The following GTF2IRD1 variants were observed in gnomAD, a reference collection of about 807,000 sequenced individuals.
The protein encoded by GTF2IRD1 is general transcription factor II-I repeat domain-containing protein 1.
GTF2IRD1 carries 26 observed loss-of-function variants against 113.2 expected under a neutral mutation model. The observed-to-expected ratio is 0.23, with a 90% confidence interval of 0.17 to 0.32. GTF2IRD1 has a LOEUF of 0.32. GTF2IRD1 is among the 10% of genes least tolerant of loss of function. The pLI, the probability that GTF2IRD1 is intolerant of heterozygous loss-of-function variation, is 1.00. For missense variants in GTF2IRD1, 864 were observed against 1,280.8 expected (o/e 0.67, Z 4.97); for synonymous variants, 484 against 529.1 (o/e 0.91, Z 1.17).
intron 7 of GTF2IRD1, among the ~76,000 whole-genome samples, chr7:74,523,211 C>G (rs71558535): frequency 0.01 from 1,577 of 150,848 alleles, 21 homozygotes; most frequent in Non-Finnish European, 0.015. Context: ...AGAGTGAGAC[C>G]CTGTCTGTAA....
chr7:74,536,134 C>T (rs1554350108), intron 10 of GTF2IRD1, 33 bp from the exon 11 acceptor site: 1 of 1,344,388 alleles, frequency 7.4e-7, no homozygotes, highest in Non-Finnish European at 1.1e-6. Context: ...GGCCAGAGGG[C>T]CTTCACCCTG....
chr7:74,519,385 C>T, intron 5 of GTF2IRD1, 24 bp from the exon 6 acceptor site: 1 of 1,477,794 alleles, frequency 6.8e-7, no homozygotes, highest in South Asian at 1.4e-5. Flanking sequence ...ACAAAGCTGT[C>T]CATGTGTCCT....
At chr7:74,483,857 T>TA (rs1386341070) in intron 1 of GTF2IRD1, among the ~76,000 whole-genome samples, 4,023 of 147,344 alleles carry the variant, frequency 0.027, 191 homozygotes, top group African/African-American at 0.092. Context: ...TCTGTCTCTT[T>TA]AAAAAAAAAA....
chr7:74,521,307 C>T lies in GTF2IRD1; in HGVS notation c.1006+10C>T, dbSNP rs111669870. 50 of 1,568,184 alleles carry T rather than the reference C, an allele frequency of 3.2e-5. No individual in the cohort carries two copies. Among genetic ancestry groups the T allele is most frequent in the South Asian group, 5.5e-5 (5 of 90,174 alleles). On this transcript the variant is annotated intron_variant, in intron 7 of 26. Coordinates refer to ENST00000424337, the MANE Select transcript of GTF2IRD1 (RefSeq NM_005685.4). ...GTCCATGACAAGTCAGGTAGGACAG[C>T]GCCCACGAAGCACCCCGGCCTGAGT...
At chr7:74,587,685 C>A (rs1196825699) in intron 22 of GTF2IRD1, among the ~76,000 whole-genome samples, 1 of 152,124 alleles carries the variant, frequency 6.6e-6, no homozygotes, top group African/African-American at 2.4e-5. Context: ...CCGTCCTCAA[C>A]CCTGGCACAA....
Position 74,518,257 on chromosome 7 carries a change from G to A in GTF2IRD1, c.540G>A (p.Glu180=), listed in dbSNP as rs782707278. The A allele has an allele frequency of 1.2e-6, 2 of 1,612,196 alleles. No homozygotes were observed. The highest frequency in any genetic ancestry group is 2.2e-5 in the East Asian group (1 of 44,842). The change falls in exon 5 of 27, where the codon GAG becomes GAA. Residue 180 remains glutamate, a synonymous_variant. Transcript: ENST00000424337. ...PEGLAFRRPA[E]YDPKALMAIL... ...GCCTGGCCTTCCGAAGGCCAGCCGA[G>A]TATGACCCCAAGGCCCTCATGGCCA...
At chr7:74,539,851 C>G (rs782019551) in intron 13 of GTF2IRD1, 28 bp from the exon 14 acceptor site, 6 of 1,530,848 alleles carry the variant, frequency 3.9e-6, no homozygotes, top group Admixed American at 1.7e-5. Flanking sequence ...GCAGAAGATA[C>G]CCGTGTCATT....
chr7:74,591,088 G>A (rs1387687853), intron 24 of GTF2IRD1, 71 bp downstream of exon 24: 21 of 1,111,910 alleles, frequency 1.9e-5, no homozygotes, highest in East Asian at 1.7e-4. Context: ...TCAAGGTCAC[G>A]GTGGGTCAGC....
chr7:74,456,632 A>T (rs1219092965), intron 1 of GTF2IRD1, among the ~76,000 whole-genome samples: 5 of 151,886 alleles, frequency 3.3e-5, no homozygotes, highest in Non-Finnish European at 7.4e-5. Context: ...GCAGTGAGCC[A>T]AGACCGCACC....
chr7:74,519,790 C>T, intron 6 of GTF2IRD1, 71 bp downstream of exon 6: 1 of 1,120,126 alleles, frequency 8.9e-7, no homozygotes, highest in Non-Finnish European at 1.3e-6. Context: ...GACAGCCTCC[C>T]AGGGCAGGTC....
intron 8 of GTF2IRD1, among the ~76,000 whole-genome samples, chr7:74,524,402 G>A (rs1412796210): frequency 2.0e-5 from 3 of 152,164 alleles, no homozygotes; most frequent in African/African-American, 2.4e-5. Context: ...GCTCAGTGGC[G>A]GGGAGCGGGA....
At chr7:74,585,890 A>G (rs781897969) in intron 22 of GTF2IRD1, among the ~76,000 whole-genome samples, 1 of 151,984 alleles carries the variant, frequency 6.6e-6, no homozygotes, top group South Asian at 2.1e-4. Context: ...CTTCCAAAAA[A>G]AAAAAGAAAA....
intron 20 of GTF2IRD1, among the ~76,000 whole-genome samples, chr7:74,558,072 G>A (rs1277045538): frequency 1.3e-5 from 2 of 151,848 alleles, no homozygotes; most frequent in Non-Finnish European, 2.9e-5. Context: ...TCAGGAGTTC[G>A]AGGCCAGCCT....
intron 9 of GTF2IRD1, among the ~76,000 whole-genome samples, chr7:74,532,449 G>A (rs1187702492): frequency 2.0e-5 from 3 of 152,134 alleles, no homozygotes; most frequent in African/African-American, 7.2e-5. Flanking sequence ...AGCTACTGAG[G>A]AGGCTGACGG....
intron 1 of GTF2IRD1, among the ~76,000 whole-genome samples, chr7:74,497,530 C>T (rs184101925): frequency 1.3e-5 from 2 of 152,208 alleles, no homozygotes; most frequent in East Asian, 3.9e-4. Flanking sequence ...GCTGGGATTA[C>T]AGGCCTGAGC....
chr7:74,525,148 C>T (rs1212262097), intron 8 of GTF2IRD1, among the ~76,000 whole-genome samples: 1 of 152,240 alleles, frequency 6.6e-6, no homozygotes. Flanking sequence ...CCATTTCCCA[C>T]CTCCCAGCTT....
At chr7:74,482,664 C>T (rs1337640392) in intron 1 of GTF2IRD1, among the ~76,000 whole-genome samples, 3 of 152,156 alleles carry the variant, frequency 2.0e-5, no homozygotes, top group Non-Finnish European at 4.4e-5. Context: ...CACCCCCTTC[C>T]AGTTACTACC....
intron 14 of GTF2IRD1, 84 bp downstream of exon 14, chr7:74,540,052 G>A (rs1345406657): frequency 3.4e-6 from 3 of 890,442 alleles, no homozygotes; most frequent in Non-Finnish European, 5.6e-6. Flanking sequence ...GCCGTCCCCA[G>A]GTGTTTCTTG....
chr7:74,496,266 ATG>A lies in GTF2IRD1; in HGVS notation c.-6-11806_-6-11805del, dbSNP rs1562801965. Among the ~76,000 whole-genome samples, 3 of 124,908 alleles carry A rather than the reference ATG, an allele frequency of 2.4e-5. No individual in the cohort carries two copies. In the South Asian group the frequency reaches 8.8e-4, roughly 37 times the overall value. The allele number at this position is 124,908 out of a possible 152,430, so 81.9% of individuals were successfully genotyped here. A position where few individuals can be genotyped will look rare whatever the true frequency, so the allele number is the denominator to read the frequency against. On this transcript the variant is annotated intron_variant, in intron 1 of 26. Transcript: ENST00000424337. ...TGGGTGTCTGCATATGTGTGTATGC[ATG>A]TGAGTGGGTATGCGTGTGTATGTGG... is the stretch of plus-strand genomic sequence containing the variant.
Sources: gnomAD v4.1 joint callset for allele counts (sites outside exome capture counted in the v4.1 genomes callset) on GRCh38, gnomAD v4.1.1 for gene constraint, MANE v1.5 for transcripts, NCBI Gene and HGNC (gene_info 2026-07-23, HGNC 2026-07-21) for gene names.